The following DCBLD2 variants were observed in gnomAD, a reference collection of about 807,000 sequenced individuals.
The protein encoded by DCBLD2 is discoidin, CUB and LCCL domain containing 2, also known as discoidin, CUB and LCCL domain-containing protein 2.
In DCBLD2, 54 loss-of-function variants were observed where a neutral mutation model predicts 86.8. The ratio of observed to expected loss-of-function variants is 0.62; its 90% CI spans 0.50 to 0.78. The LOEUF (loss-of-function observed/expected upper bound fraction) is 0.78, where lower values mean the gene tolerates loss of function less well. Ranked by LOEUF, DCBLD2 falls within the 30% of genes least tolerant of loss-of-function variation. The probability of loss-of-function intolerance (pLI) is 0.00; values close to 1 mark genes in which losing one functional copy is unlikely to be tolerated. For missense variants in DCBLD2, 908 were observed against 954.2 expected (o/e 0.95, Z 0.64); for synonymous variants, 354 against 341.3 (o/e 1.04, Z -0.41).
chr3:98,804,303 A>AT (rs1211073904), intron 13 of DCBLD2, among the ~76,000 whole-genome samples: 2 of 151,998 alleles, frequency 1.3e-5, no homozygotes, highest in African/African-American at 4.8e-5. Context: ...GAATTTATCC[A>AT]TTTCTTCTAG....
chr3:98,840,249 T>C (rs1942595944), intron 3 of DCBLD2, among the ~76,000 whole-genome samples: 1 of 152,200 alleles, frequency 6.6e-6, no homozygotes, highest in Admixed American at 6.5e-5. Context: ...AGTAGAGCTG[T>C]TAAGATGTAG....
intron 2 of DCBLD2, among the ~76,000 whole-genome samples, chr3:98,855,926 T>G (rs1292809868): frequency 6.6e-6 from 1 of 152,212 alleles, no homozygotes; most frequent in Non-Finnish European, 1.5e-5. Flanking sequence ...AGGTAGTGAT[T>G]CAAGGTCCTA....
At chr3:98,808,646 C>T (rs904283796) in intron 12 of DCBLD2, among the ~76,000 whole-genome samples, 1 of 151,938 alleles carries the variant, frequency 6.6e-6, no homozygotes, top group South Asian at 2.1e-4. Flanking sequence ...ACAACCAACA[C>T]AAAAAAAGTT....
At chr3:98,812,781 A>G (rs1941959959) in intron 9 of DCBLD2, 1 of 208,870 alleles carries the variant, frequency 4.8e-6, no homozygotes. Flanking sequence ...ATCCAGTGAG[A>G]CAATTTATCC....
At chr3:98,848,701 T>A (rs1285973298) in intron 3 of DCBLD2, among the ~76,000 whole-genome samples, 2 of 152,194 alleles carry the variant, frequency 1.3e-5, no homozygotes, top group Admixed American at 6.5e-5. Flanking sequence ...TTTAGAAATA[T>A]CCCATGTTTA....
intron 9 of DCBLD2, among the ~76,000 whole-genome samples, chr3:98,817,407 G>A (rs1942041767): frequency 6.6e-6 from 1 of 152,120 alleles, no homozygotes; most frequent in Admixed American, 6.5e-5. Context: ...CTTGCCTACA[G>A]AGTAGAAATC....
chr3:98,838,978 T>C (rs909330353), intron 3 of DCBLD2, among the ~76,000 whole-genome samples: 23 of 150,854 alleles, frequency 1.5e-4, no homozygotes, highest in African/African-American at 5.6e-4. Flanking sequence ...TGAGCCGAGA[T>C]GGCAGCAGTA....
intron 4 of DCBLD2, among the ~76,000 whole-genome samples, chr3:98,824,052 G>C (rs962762346): frequency 6.6e-6 from 1 of 152,152 alleles, no homozygotes; most frequent in African/African-American, 2.4e-5. Context: ...CCGGAAGTGG[G>C]GACGGCAGTG....
rs964944317 is a variant in DCBLD2 at position 98,901,372 on chromosome 3, C to A, written c.-46G>T. The A allele has an allele frequency of 3.1e-6, 4 of 1,275,650 alleles. No individual in the cohort carries two copies. In the African/African-American group the frequency reaches 4.7e-5, roughly 15 times the overall value. The allele number at this position is 1,275,650 out of a possible 1,614,324, so 79.0% of individuals were successfully genotyped here. ...CTGCATAGTGCGGGTGCCTCGGCAG[C>A]CCCGCGCGCCTCTGGCCGCGGCACC... On this transcript the variant is annotated 5_prime_UTR_variant, in exon 1 of 16. Transcript: ENST00000326840.
chr3:98,880,363 A>T (rs538832417), intron 2 of DCBLD2, among the ~76,000 whole-genome samples: 1 of 152,238 alleles, frequency 6.6e-6, no homozygotes, highest in Admixed American at 6.5e-5. Context: ...AATGTTTCTA[A>T]ATAAACTCAC....
rs1445145560 is a variant in DCBLD2 at position 98,796,790 on chromosome 3, G to A, written c.*2582C>T. The A allele has an allele frequency of 6.6e-6, 1 of 152,564 alleles. No individual in the cohort carries two copies. Among genetic ancestry groups the A allele is most frequent in the Non-Finnish European group, 1.5e-5 (1 of 68,032 alleles). The allele number at this position is 152,564 out of a possible 1,614,324, so 9.5% of individuals were successfully genotyped here. On this transcript the variant is annotated 3_prime_UTR_variant, in exon 16 of 16. Transcript: ENST00000326840. ...AAACTGTGCTGTTTCCTAAGATCAA[G>A]TAACAGCCAAGTCAGTGTAATTTTA...
In DCBLD2 at chr3:98,901,662, C is replaced by G. The variant is rs989055422; in HGVS notation, c.-336G>C. ...CACCAGGGTCGCCGCTCGCCGCGCT[C>G]ACCCGCGGCTCCGGCTAGCTGGCAG... On this transcript the variant is annotated 5_prime_UTR_variant, in exon 1 of 16. Transcript: ENST00000326840. The G allele has an allele frequency of 1.0e-5, 2 of 191,686 alleles. No individual in the cohort carries two copies. The highest frequency in any genetic ancestry group is 2.1e-5 in the Non-Finnish European group (2 of 94,274). The allele number at this position is 191,686 out of a possible 1,614,324, so 11.9% of individuals were successfully genotyped here.
At position 98,866,317 on chromosome 3, in the gene DCBLD2, C is replaced by G. The variant is rs574973621; in HGVS notation, c.433+15223G>C. Reference sequence around the variant, plus strand: ...TCCACAATGGTTGAACTAGTTTACACTCCCACCAACAGTGTAAAAGTGTTC... The same window carrying G: ...TCCACAATGGTTGAACTAGTTTACAGTCCCACCAACAGTGTAAAAGTGTTC... On this transcript the variant is annotated intron_variant, in intron 2 of 15. Coordinates refer to ENST00000326840, the MANE Select transcript of DCBLD2 (RefSeq NM_080927.4). Among the ~76,000 whole-genome samples the G allele has an allele frequency of 1.7e-4, 26 of 152,228 alleles. No homozygotes were observed. In the South Asian group the frequency reaches 2.1e-3, roughly 12 times the overall value.
chr3:98,894,058 A>G (rs1943709155), intron 1 of DCBLD2, among the ~76,000 whole-genome samples: 1 of 152,200 alleles, frequency 6.6e-6, no homozygotes, highest in Non-Finnish European at 1.5e-5. Flanking sequence ...AAGTTTGGGA[A>G]CTGTCCAAGA....
intron 9 of DCBLD2, chr3:98,816,235 A>G (rs1942021123): frequency 6.6e-6 from 1 of 151,184 alleles, no homozygotes; most frequent in South Asian, 2.1e-4. Context: ...TATTGAAAGG[A>G]AAAACCAAAA....
At chr3:98,897,901 C>A (rs1943778119) in intron 1 of DCBLD2, among the ~76,000 whole-genome samples, 1 of 152,070 alleles carries the variant, frequency 6.6e-6, no homozygotes. Context: ...CAAATTCCTA[C>A]AGTCATAATG....
At chr3:98,859,080 T>A (rs1439338833) in intron 2 of DCBLD2, among the ~76,000 whole-genome samples, 1 of 152,074 alleles carries the variant, frequency 6.6e-6, no homozygotes, top group African/African-American at 2.4e-5. Flanking sequence ...GGAGATTACA[T>A]CCCACGCCTG....
chr3:98,878,020 G>GA (rs754876610), intron 2 of DCBLD2, among the ~76,000 whole-genome samples: 20 of 149,704 alleles, frequency 1.3e-4, no homozygotes, highest in East Asian at 3.9e-4. Context: ...TTTTTAGTAT[G>GA]AAAAAAAAAC....
chr3:98,858,675 T>G (rs1942982284), intron 2 of DCBLD2, among the ~76,000 whole-genome samples: 1 of 152,144 alleles, frequency 6.6e-6, no homozygotes, highest in Non-Finnish European at 1.5e-5. Context: ...CAAAAACATA[T>G]GAGGTCAAAC....
Sources: allele counts gnomAD v4.1 joint callset (sites outside exome capture counted in the v4.1 genomes callset), GRCh38; gene constraint gnomAD v4.1.1; transcripts MANE v1.5; gene names NCBI Gene and HGNC (gene_info 2026-07-23, HGNC 2026-07-21).